Variants in CEP112 observed in about 807,000 individuals in gnomAD.
CEP112 encodes centrosomal protein of 112 kDa.
In CEP112, 127 loss-of-function variants were observed where a neutral mutation model predicts 153.0. That is an observed-to-expected ratio of 0.83 (90% CI 0.72 to 0.96). The LOEUF is 0.96. CEP112 is among the 40% of genes least tolerant of loss of function. The pLI is 0.00. For missense variants in CEP112, 1,089 were observed against 1,101.2 expected (o/e 0.99, Z 0.16); for synonymous variants, 358 against 374.4 (o/e 0.96, Z 0.51).
At chr17:66,189,229 G>A (rs1365477291) in intron 1 of CEP112, among the ~76,000 whole-genome samples, 5 of 152,150 alleles carry the variant, frequency 3.3e-5, no homozygotes, top group African/African-American at 4.8e-5. Context: ...GGCCAGGCGC[G>A]TTGGCTCACA....
intron 21 of CEP112, among the ~76,000 whole-genome samples, chr17:65,768,149 CA>C (rs1407834854): frequency 2.0e-5 from 3 of 151,994 alleles, no homozygotes; most frequent in African/African-American, 4.8e-5. Context: ...ATAACATGAA[CA>C]ATCAATTAAC....
intron 4 of CEP112, among the ~76,000 whole-genome samples, chr17:66,150,985 T>C (rs2071185377): frequency 6.6e-6 from 1 of 152,228 alleles, no homozygotes; most frequent in Admixed American, 6.5e-5. Flanking sequence ...GTCTATTTTA[T>C]CTGATATTCA....
At chr17:65,656,264 A>G (rs1320666131) in intron 24 of CEP112, among the ~76,000 whole-genome samples, 2 of 152,198 alleles carry the variant, frequency 1.3e-5, no homozygotes, top group African/African-American at 4.8e-5. Context: ...GCTACCACAG[A>G]GTAAGAAGTG....
intron 21 of CEP112, among the ~76,000 whole-genome samples, chr17:65,811,270 G>A (rs760930854): frequency 1.3e-5 from 2 of 152,102 alleles, no homozygotes; most frequent in Non-Finnish European, 2.9e-5. Context: ...TCAAGGAAGT[G>A]GTTACTCTGA....
rs530009828 is a variant in CEP112 at position 65,972,087 on chromosome 17, CAAA to C, written c.1737-10492_1737-10490del. Among the ~76,000 whole-genome samples, 402 of 152,230 alleles carry C rather than the reference CAAA, an allele frequency of 2.6e-3. 1 individual carries two copies. The highest frequency in any genetic ancestry group is 9.1e-3 in the African/African-American group (380 of 41,556). On this transcript the variant is annotated intron_variant, in intron 17 of 26. Transcript: ENST00000535342. ...ACACTTATGGACTATTCCACCCAAT[CAAA>C]GAAGAATACACATTCATTTCAAGAG...
chr17:65,831,835 G>T (rs1373399847), intron 21 of CEP112, among the ~76,000 whole-genome samples: 2 of 152,046 alleles, frequency 1.3e-5, no homozygotes, highest in Non-Finnish European at 2.9e-5. Context: ...AAAGGAAAAA[G>T]AAAATGAGTG....
At chr17:65,757,707 A>G (rs1317864295) in intron 21 of CEP112, among the ~76,000 whole-genome samples, 2 of 152,194 alleles carry the variant, frequency 1.3e-5, no homozygotes, top group Non-Finnish European at 2.9e-5. Context: ...TGTAAATCAT[A>G]GCTGCCTGAA....
intron 23 of CEP112, among the ~76,000 whole-genome samples, chr17:65,734,419 A>G (rs2050683688): frequency 6.6e-6 from 1 of 152,226 alleles, no homozygotes; most frequent in African/African-American, 2.4e-5. Flanking sequence ...TGACAACCCC[A>G]AAGAGGTTTT....
chr17:65,725,806 C>T (rs2050145346), intron 23 of CEP112, among the ~76,000 whole-genome samples: 1 of 152,058 alleles, frequency 6.6e-6, no homozygotes, highest in Non-Finnish European at 1.5e-5. Context: ...ACCACTAGAA[C>T]AGTATGGGGG....
At chr17:65,879,621 C>T (rs1245150045) in intron 20 of CEP112, among the ~76,000 whole-genome samples, 3 of 151,950 alleles carry the variant, frequency 2.0e-5, no homozygotes, top group South Asian at 2.1e-4. Context: ...GAAAAACCAA[C>T]CCTGAAGGAA....
chr17:65,664,272 C>T (rs751967351), intron 24 of CEP112, among the ~76,000 whole-genome samples: 2 of 152,028 alleles, frequency 1.3e-5, no homozygotes, highest in Non-Finnish European at 2.9e-5. Context: ...TGAGCCAAGG[C>T]GAAAATGAGT....
intron 6 of CEP112, among the ~76,000 whole-genome samples, chr17:66,111,543 C>A (rs1186243162): frequency 2.0e-5 from 3 of 152,180 alleles, no homozygotes; most frequent in African/African-American, 7.2e-5. Context: ...GAGATCATTT[C>A]TTTTGCAAGA....
Position 65,721,009 on chromosome 17 carries a change from C to CT in CEP112, c.2607+22058dup, listed in dbSNP as rs57507655. On this transcript the variant is annotated intron_variant, in intron 23 of 26. Transcript: ENST00000535342. The stretch of plus-strand genomic sequence containing the variant: ...TTAAGTTTTATCTCTCTCTCTCTCT[C>CT]TTTTTTTTTTTTTTTTTTTTGAGAC... Among the ~76,000 whole-genome samples the CT allele has an allele frequency of 8.4e-3, 1,056 of 125,698 alleles. 28 individuals carry two copies. Among genetic ancestry groups the CT allele is most frequent in the East Asian group, 0.074 (320 of 4,346 alleles). 82.5% of individuals were successfully genotyped at this position (125,698 alleles called of 152,430 possible). A position where few individuals can be genotyped will look rare whatever the true frequency, so the allele number is the denominator to read the frequency against.
chr17:65,784,519 C>T (rs913138062), intron 21 of CEP112, among the ~76,000 whole-genome samples: 2 of 152,164 alleles, frequency 1.3e-5, no homozygotes, highest in Admixed American at 6.5e-5. Flanking sequence ...CTCACTCTGT[C>T]GCCCAGGCTG....
At chr17:65,893,522 A>G (rs1363914470) in intron 20 of CEP112, among the ~76,000 whole-genome samples, 1 of 152,138 alleles carries the variant, frequency 6.6e-6, no homozygotes, top group Non-Finnish European at 1.5e-5. Flanking sequence ...CAAGTGAAAA[A>G]GTATAATTTT....
chr17:65,785,188 T>G (rs1414850894), intron 21 of CEP112, among the ~76,000 whole-genome samples: 1 of 152,240 alleles, frequency 6.6e-6, no homozygotes, highest in Admixed American at 6.5e-5. Flanking sequence ...AAATCCATTG[T>G]GTGGATATAC....
chr17:65,848,212 T>C (rs921845801), intron 21 of CEP112, among the ~76,000 whole-genome samples: 1 of 152,222 alleles, frequency 6.6e-6, no homozygotes, highest in East Asian at 1.9e-4. Flanking sequence ...AACATCGTAT[T>C]TTCCCAAACA....
chr17:66,023,601 C>T (rs527355760), intron 16 of CEP112, among the ~76,000 whole-genome samples: 1 of 152,174 alleles, frequency 6.6e-6, no homozygotes, highest in East Asian at 1.9e-4. Context: ...GGTCAGTATT[C>T]ACCACCATAA....
At position 65,686,113 on chromosome 17, in the gene CEP112, C is replaced by CTT. The variant is rs35816434; in HGVS notation, c.2697+3014_2697+3015dup. ...TATGCAGTTTAATTGAAACAACTGG[C>CTT]TTTTTTTTTTTTTTTTTTTTTCAGC... On this transcript the variant is annotated intron_variant, in intron 24 of 26. Coordinates refer to ENST00000535342, the MANE Select transcript of CEP112 (RefSeq NM_001199165.4). Among the ~76,000 whole-genome samples the CTT allele has an allele frequency of 6.5e-3, 683 of 104,276 alleles. 7 individuals carry two copies. Among genetic ancestry groups the CTT allele is most frequent in the African/African-American group, 1.0e-2 (283 of 28,320 alleles). The allele number at this position is 104,276 out of a possible 152,430, so 68.4% of individuals were successfully genotyped here. A position where few individuals can be genotyped will look rare whatever the true frequency, so the allele number is the denominator to read the frequency against.
Sources: allele counts gnomAD v4.1 joint callset (sites outside exome capture counted in the v4.1 genomes callset), GRCh38; gene constraint gnomAD v4.1.1; transcripts MANE v1.5; gene names NCBI Gene and HGNC (gene_info 2026-07-23, HGNC 2026-07-21).